CD8A: variants seen among roughly 807,000 people sequenced by gnomAD.
CD8A encodes the protein CD8 subunit alpha.
CD8A carries 25 observed loss-of-function variants against 24.2 expected under a neutral mutation model. The observed-to-expected ratio is 1.03, with a 90% confidence interval of 0.75 to 1.44. The LOEUF (loss-of-function observed/expected upper bound fraction) is 1.44. Among genes scored for constraint, CD8A ranks in the 40% most tolerant of loss-of-function variants. The pLI, the probability that CD8A is intolerant of heterozygous loss-of-function variation, is 0.00. For synonymous variants in CD8A, 165 were observed against 149.9 expected, an observed-to-expected ratio of 1.10 and a Z score of -0.74; for missense variants, 360 against 319.7, an observed-to-expected ratio of 1.13 and a Z score of -0.96.
intron 3 of CD8A, among the ~76,000 whole-genome samples, chr2:86,799,728 C>G (rs1257782467): frequency 6.6e-6 from 1 of 151,796 alleles, no homozygotes; most frequent in Non-Finnish European, 1.5e-5. Context: ...TGCACTCCAG[C>G]CTGGGCGACA....
chr2:86,795,743 T>C (rs1673461314), upstream of CD8A, among the ~76,000 whole-genome samples: 2 of 152,076 alleles, frequency 1.3e-5, no homozygotes, highest in Non-Finnish European at 2.9e-5. Flanking sequence ...TTTCTCTTGA[T>C]TGAAAGAGAG....
chr2:86,807,294 C>G (rs1295390695), intron 2 of CD8A, among the ~76,000 whole-genome samples: 1 of 152,178 alleles, frequency 6.6e-6, no homozygotes, highest in East Asian at 1.9e-4. Flanking sequence ...GCACTCCAGC[C>G]TGGGCGATAG....
chr2:86,789,283 C>A (rs1306647077), intron 4 of CD8A, 40 bp downstream of exon 4: 10 of 1,305,808 alleles, frequency 7.7e-6, no homozygotes, highest in Non-Finnish European at 1.1e-5. Context: ...AGGGCAGGAG[C>A]GGGGCCGACT....
chr2:86,805,693 A>T (rs1165595531), intron 2 of CD8A, among the ~76,000 whole-genome samples: 1 of 152,166 alleles, frequency 6.6e-6, no homozygotes, highest in African/African-American at 2.4e-5. Flanking sequence ...TCTGCCTTCC[A>T]TAACTCACAT....
intron 5 of CD8A, among the ~76,000 whole-genome samples, chr2:86,787,019 CAAAAA>C (rs745778659): frequency 4.6e-4 from 17 of 36,560 alleles, no homozygotes; most frequent in East Asian, 9.4e-4. Context: ...GACTCCGTCT[CAAAAA>C]AAAAAAAAAA....
At chr2:86,805,752 C>T (rs774994805) in intron 2 of CD8A, among the ~76,000 whole-genome samples, 12 of 152,114 alleles carry the variant, frequency 7.9e-5, no homozygotes, top group Non-Finnish European at 1.2e-4. Context: ...GATTTCCTTC[C>T]AACCAATTGT....
intron 2 of CD8A, among the ~76,000 whole-genome samples, chr2:86,802,550 T>C (rs6753271): frequency 0.32 from 49,060 of 152,110 alleles, 8,711 homozygotes; most frequent in East Asian, 0.76. Context: ...CTTAAGCATA[T>C]GCACCTATTA....
At position 86,801,414 on chromosome 2, in the gene CD8A, T is replaced by C. The variant is rs1292014710; in HGVS notation, c.-271+97A>G. The stretch of plus-strand genomic sequence containing the variant: ...TCTTGCACTTTCGCCCAGGCTGGAG[T>C]GCAGTGGAGTCACTGCAGCCTCAAC... On this transcript the variant is annotated intron_variant, in intron 3 of 8. Coordinates refer to the CD8A transcript ENST00000409511. 2.0e-5 allele frequency: 3 copies of C among 151,920 alleles called. No homozygotes were observed. In the South Asian group the frequency reaches 6.2e-4, roughly 32 times the overall value. The allele number at this position is 151,920 out of a possible 1,614,324, so 9.4% of individuals were successfully genotyped here.
Position 86,785,275 on chromosome 2 carries a change from A to T in CD8A, c.*645T>A, listed in dbSNP as rs1293584830. ...GGTCTATACAATTTTAGGCTTGATT[A>T]TAAAAAAAAAAAGTCTGATATTGTT... On this transcript the variant is annotated 3_prime_UTR_variant, in exon 6 of 6. Transcript: ENST00000283635. The T allele has an allele frequency of 2.2e-6, 1 of 446,198 alleles. No homozygotes were observed. Among genetic ancestry groups the T allele is most frequent in the Non-Finnish European group, 4.5e-6 (1 of 224,258 alleles). The allele number at this position is 446,198 out of a possible 1,614,324, so 27.6% of individuals were successfully genotyped here.
exon 3 of CD8A, chr2:86,801,547 T>C (rs1225485528): frequency 1.3e-5 from 2 of 152,288 alleles, no homozygotes; most frequent in East Asian, 3.8e-4. Flanking sequence ...GTTCACCATG[T>C]TGCCCAGGCT....
chr2:86,788,650 T>TTGC, intron 4 of CD8A, 90 bp from the exon 5 acceptor site: 1 of 1,234,532 alleles, frequency 8.1e-7, no homozygotes, highest in Non-Finnish European at 1.2e-6. Flanking sequence ...GCTGTTGTTG[T>TTGC]TGCTGCTGTT....
At chr2:86,786,831 T>C (rs528683860) in intron 5 of CD8A, among the ~76,000 whole-genome samples, 82 of 151,776 alleles carry the variant, frequency 5.4e-4, no homozygotes, top group Non-Finnish European at 9.7e-4. Context: ...CCATCCTGGC[T>C]AACACGGTGA....
rs1270490781 is a variant in CD8A at position 86,785,445 on chromosome 2, G to A, written c.*475C>T. 4 of 455,324 alleles carry A rather than the reference G, an allele frequency of 8.8e-6. No homozygotes were observed. The highest frequency in any genetic ancestry group is 1.8e-5 in the Non-Finnish European group (4 of 227,810). The allele number at this position is 455,324 out of a possible 1,614,324, so 28.2% of individuals were successfully genotyped here. On this transcript the variant is annotated 3_prime_UTR_variant, in exon 6 of 6. Transcript: ENST00000283635. ...CACCTCACCCTGAGACAGGGGCCTC[G>A]GAAAGAAAGACCTGAATGGTGTGGA...
Position 86,789,389 on chromosome 2 carries a change from C to T in CD8A, c.559G>A (p.Ala187Thr), listed in dbSNP as rs1342173684. 3 of 1,614,002 alleles carry T rather than the reference C, an allele frequency of 1.9e-6. No homozygotes were observed. Among genetic ancestry groups the T allele is most frequent in the Middle Eastern group, 1.6e-4 (1 of 6,062 alleles). The change falls in exon 4 of 6, where the codon GCG becomes ACG. Residue 187 changes from alanine (A) to threonine (T), a missense_variant. Physicochemically the swap from Ala to Thr is moderately conservative, Grantham distance 58 (BLOSUM62 0). Coordinates refer to ENST00000283635, the MANE Select transcript of CD8A (RefSeq NM_001768.7). ...LDFACDIYIWAPLAGTCGVLL... is the reference protein window; with the variant it reads ...LDFACDIYIWTPLAGTCGVLL... ...ACCCCACAAGTCCCGGCCAAGGGCG[C>T]CCAGATGTAGATATCACAGGCGAAG... is the stretch of plus-strand genomic sequence containing the variant.
In CD8A at chr2:86,784,671, C is replaced by T. The variant is rs1672922020; in HGVS notation, c.*1249G>A. 2.3e-6 allele frequency: 1 copy of T among 436,552 alleles called. No individual in the cohort carries two copies. Among genetic ancestry groups the T allele is most frequent in the South Asian group, 1.6e-5 (1 of 60,808 alleles). 27.0% of individuals were successfully genotyped at this position (436,552 alleles called of 1,614,324 possible). On this transcript the variant is annotated 3_prime_UTR_variant, in exon 6 of 6. Coordinates refer to ENST00000283635, the MANE Select transcript of CD8A (RefSeq NM_001768.7). ...TATTCATTAAAGCCACTCATAACAG[C>T]ATAGTACAACCCTATTTAAAAAAGA...
Position 86,789,642 on chromosome 2 carries a change from G to T in CD8A, c.512C>A (p.Ala171Glu). 1 of 1,481,870 alleles carries T rather than the reference G, an allele frequency of 6.7e-7. No individual in the cohort carries two copies. Among genetic ancestry groups the T allele is most frequent in the Middle Eastern group, 1.9e-4 (1 of 5,278 alleles). The allele number at this position is 1,481,870 out of a possible 1,614,324, so 91.8% of individuals were successfully genotyped here. The change falls in exon 3 of 6, where the codon GCA becomes GAA. Residue 171 changes from alanine (A) to glutamate (E), a missense_variant and splice_region_variant. Ala to Glu is a moderately radical substitution (Grantham distance 107). Coordinates refer to ENST00000283635, the MANE Select transcript of CD8A (RefSeq NM_001768.7). ...PEACRPAAGG[A>E]VHTRGLDFAC... ...CCCCGGGCCCCCGCACGCCTCACCTGCGCCCCCCGCCGCTGGCCGGCACGC... is the reference window on the plus strand; with the variant it reads ...CCCCGGGCCCCCGCACGCCTCACCTTCGCCCCCCGCCGCTGGCCGGCACGC...
chr2:86,790,414 CG>C lies in CD8A; in HGVS notation c.316del (p.Arg106AlafsTer13). The C allele has an allele frequency of 6.2e-7, 1 of 1,614,124 alleles. No homozygotes were observed. The highest frequency in any genetic ancestry group is 1.3e-5 in the African/African-American group (1 of 75,048). On this transcript the variant is annotated frameshift_variant, in exon 2 of 6. Transcript: ENST00000283635. LOFTEE classifies it high-confidence loss of function. ...GAAATAGTAGCCCTCGTTCTCTCGGCGGAAGTCGCTCAGGGTGAGGACGAAG... is the reference window on the plus strand; with the variant it reads ...GAAATAGTAGCCCTCGTTCTCTCGGCGAAGTCGCTCAGGGTGAGGACGAAG... ...DTFVLTLSDF[R>X]RENEGYYFCS...
chr2:86,785,714 C>CT lies in CD8A; in HGVS notation c.*205dup. On this transcript the variant is annotated 3_prime_UTR_variant, in exon 6 of 6. Coordinates refer to ENST00000283635, the MANE Select transcript of CD8A (RefSeq NM_001768.7). ...ATGTGCGCACAACAGTATTGTGACC[C>CT]TTGTGGTGTACTGTAGATTTTACCT... 1 of 721,094 alleles carries CT rather than the reference C, an allele frequency of 1.4e-6. No individual in the cohort carries two copies. The highest frequency in any genetic ancestry group is 2.5e-6 in the Non-Finnish European group (1 of 394,218). 44.7% of individuals were successfully genotyped at this position (721,094 alleles called of 1,614,324 possible).
At chr2:86,792,336 C>T (rs1673337290), upstream of CD8A, among the ~76,000 whole-genome samples, 3 of 152,154 alleles carry the variant, frequency 2.0e-5, no homozygotes, top group South Asian at 6.2e-4. Context: ...TGTGTCTGCC[C>T]CACCCATTAG....
Sources: allele counts gnomAD v4.1 joint callset (sites outside exome capture counted in the v4.1 genomes callset), GRCh38; gene constraint gnomAD v4.1.1; transcripts MANE v1.5; gene names NCBI Gene and HGNC (gene_info 2026-07-23, HGNC 2026-07-21).